The following CSMD1 variants were observed in gnomAD, a reference collection of about 807,000 sequenced individuals.
CSMD1 encodes the protein CUB and Sushi multiple domains 1.
CSMD1 carries 213 observed loss-of-function variants against 417.5 expected under a neutral mutation model. The ratio of observed to expected loss-of-function variants is 0.51; its 90% CI spans 0.46 to 0.57. The LOEUF (loss-of-function observed/expected upper bound fraction) is 0.57, where lower values mean the gene tolerates loss of function less well. Among genes scored for constraint, CSMD1 ranks in the 20% least tolerant of loss-of-function variants. CSMD1 has a pLI of 0.00. For missense variants in CSMD1, 6,923 were observed against 4,529.7 expected, an observed-to-expected ratio of 1.53 and a Z score of -15.17; for synonymous variants, 2,862 against 1,736.8, an observed-to-expected ratio of 1.65 and a Z score of -16.11.
intron 3 of CSMD1, among the ~76,000 whole-genome samples, chr8:4,092,385 C>T (rs953065055): frequency 2.0e-5 from 3 of 152,120 alleles, no homozygotes; most frequent in Non-Finnish European, 4.4e-5. Flanking sequence ...GCTGTGCTCT[C>T]CACCGTAAGG....
intron 40 of CSMD1, among the ~76,000 whole-genome samples, chr8:3,148,161 A>T (rs1818962217): frequency 6.6e-6 from 1 of 152,190 alleles, no homozygotes; most frequent in African/African-American, 2.4e-5. Context: ...AACATGAGAG[A>T]TCAAAAAGGG....
At chr8:4,527,835 G>A (rs1253826574) in intron 2 of CSMD1, among the ~76,000 whole-genome samples, 1 of 152,194 alleles carries the variant, frequency 6.6e-6, no homozygotes, top group Non-Finnish European at 1.5e-5. Flanking sequence ...TAAGTTTTCA[G>A]CCTGTGTCTT....
At chr8:4,696,966 G>T (rs1241410137) in intron 1 of CSMD1, among the ~76,000 whole-genome samples, 1 of 152,178 alleles carries the variant, frequency 6.6e-6, no homozygotes, top group Admixed American at 6.5e-5. Flanking sequence ...GAGGTCAGCA[G>T]TTCAAGACCA....
chr8:4,177,170 A>G (rs1275641851), intron 3 of CSMD1, among the ~76,000 whole-genome samples: 4 of 152,214 alleles, frequency 2.6e-5, no homozygotes, highest in South Asian at 4.1e-4. Flanking sequence ...AATTGACCAC[A>G]TAGCTGGAAG....
intron 3 of CSMD1, among the ~76,000 whole-genome samples, chr8:4,307,782 G>C (rs191399974): frequency 6.6e-6 from 1 of 152,276 alleles, no homozygotes; most frequent in African/African-American, 2.4e-5. Flanking sequence ...AAGGTCCAGA[G>C]TCAGTTTACC....
In CSMD1 at chr8:2,964,780, A is replaced by G. The variant is rs187182347; in HGVS notation, c.9280+995T>C. On this transcript the variant is annotated intron_variant, in intron 59 of 69. Transcript: ENST00000635120. Reference sequence around the variant, plus strand: ...GATCCTTTGACTCTACTGGGAGACGAAAGCAGGATGGTCCAAGAACACGCC... The same window carrying G: ...GATCCTTTGACTCTACTGGGAGACGGAAGCAGGATGGTCCAAGAACACGCC... Among the ~76,000 whole-genome samples the G allele has an allele frequency of 4.5e-4, 68 of 152,340 alleles. 2 individuals carry two copies. The highest frequency in any genetic ancestry group is 2.9e-5 in the Non-Finnish European group (2 of 68,020).
chr8:4,693,592 T>C (rs375768949), intron 1 of CSMD1, among the ~76,000 whole-genome samples: 6 of 152,254 alleles, frequency 3.9e-5, no homozygotes, highest in East Asian at 3.8e-4. Context: ...CAGAGTGGTA[T>C]TGAGGTAAAA....
In CSMD1 at chr8:2,965,882, G is replaced by T; in HGVS notation, c.9173C>A (p.Thr3058Asn). ...QFGTDFTFNK[T>N]VSYQCNPGYV... Reference sequence around the variant, plus strand: ...GCCTGGGTTACACTGATAGCTCACAGTCTTGTTGAAGGTGAAGTCGGTCCC... The same window carrying T: ...GCCTGGGTTACACTGATAGCTCACATTCTTGTTGAAGGTGAAGTCGGTCCC... The change falls in exon 59 of 70, where the codon ACT (threonine) becomes AAT (asparagine). Residue 3058 changes from threonine to asparagine, a missense_variant. Coordinates refer to ENST00000635120, the MANE Select transcript of CSMD1 (RefSeq NM_033225.6). The T allele has an allele frequency of 6.2e-7, 1 of 1,610,696 alleles. No individual in the cohort carries two copies. The highest frequency in any genetic ancestry group is 8.5e-7 in the Non-Finnish European group (1 of 1,178,488).
At chr8:4,168,549 A>G (rs1797586309) in intron 3 of CSMD1, among the ~76,000 whole-genome samples, 2 of 152,156 alleles carry the variant, frequency 1.3e-5, no homozygotes, top group Admixed American at 1.3e-4. Flanking sequence ...CACAACAGTG[A>G]GCAGATGAGA....
At chr8:4,290,535 G>A (rs1029822830) in intron 3 of CSMD1, among the ~76,000 whole-genome samples, 1 of 152,092 alleles carries the variant, frequency 6.6e-6, no homozygotes, top group Admixed American at 6.5e-5. Context: ...GAGTTATGGG[G>A]GAAAACAAAG....
intron 5 of CSMD1, among the ~76,000 whole-genome samples, chr8:3,927,148 G>C (rs998363089): frequency 1.3e-5 from 2 of 151,646 alleles, no homozygotes; most frequent in African/African-American, 2.4e-5. Flanking sequence ...ATAAAAGATA[G>C]GGTTGTCATA....
At chr8:4,142,988 ATTG>A in intron 3 of CSMD1, among the ~76,000 whole-genome samples, 2 of 125,440 alleles carry the variant, frequency 1.6e-5, no homozygotes, top group African/African-American at 2.6e-5. Context: ...TTTCAAACTG[ATTG>A]AAAAAAAAAA....
At chr8:3,986,901 C>G (rs890907467) in intron 5 of CSMD1, among the ~76,000 whole-genome samples, 1 of 151,990 alleles carries the variant, frequency 6.6e-6, no homozygotes, top group Admixed American at 6.6e-5. Flanking sequence ...ATTGCAGGTG[C>G]ACGCCACCAT....
intron 54 of CSMD1, among the ~76,000 whole-genome samples, chr8:2,979,299 C>G (rs11995583): frequency 0.028 from 4,200 of 152,288 alleles, 202 homozygotes; most frequent in African/African-American, 0.095. Flanking sequence ...GACAATTATT[C>G]CATCAACACC....
intron 6 of CSMD1, among the ~76,000 whole-genome samples, chr8:3,743,811 C>T (rs1417910727): frequency 6.6e-6 from 1 of 152,116 alleles, no homozygotes; most frequent in Non-Finnish European, 1.5e-5. Flanking sequence ...ACTCCCTTGC[C>T]CACCAGACAC....
chr8:4,700,896 C>A (rs1287825751), intron 1 of CSMD1, among the ~76,000 whole-genome samples: 4 of 152,062 alleles, frequency 2.6e-5, no homozygotes, highest in Non-Finnish European at 5.9e-5. Flanking sequence ...ACATGGAGAA[C>A]AAAACCAGAA....
At chr8:4,671,308 G>A (rs890105962) in intron 1 of CSMD1, among the ~76,000 whole-genome samples, 8 of 151,966 alleles carry the variant, frequency 5.3e-5, no homozygotes, top group African/African-American at 1.5e-4. Flanking sequence ...CGCTAACATG[G>A]CAATTCTTTA....
chr8:3,523,688 GACATATGCACACATGTGCATGCACAC>G (rs1478959288), intron 10 of CSMD1, among the ~76,000 whole-genome samples: 2 of 148,272 alleles, frequency 1.3e-5, no homozygotes, highest in East Asian at 2.0e-4. Flanking sequence ...CACCCAGAGA[GACATATGCACACATGTGCATGCACAC>G]ACATATGCAT....
At chr8:3,769,503 T>C (rs540945752) in intron 5 of CSMD1, among the ~76,000 whole-genome samples, 95 of 128,882 alleles carry the variant, frequency 7.4e-4, no homozygotes, top group African/African-American at 2.4e-3. Flanking sequence ...GATAAAAAAA[T>C]AAGAAAAAAT....
Sources: allele counts gnomAD v4.1 joint callset (sites outside exome capture counted in the v4.1 genomes callset), GRCh38; gene constraint gnomAD v4.1.1; transcripts MANE v1.5; gene names NCBI Gene and HGNC (gene_info 2026-07-23, HGNC 2026-07-21).